Variants in SLC7A7 observed in about 807,000 individuals in gnomAD.
The protein encoded by SLC7A7 is solute carrier family 7 member 7, also known as Y+L amino acid transporter 1.
In SLC7A7, 39 loss-of-function variants were observed where a neutral mutation model predicts 47.9. That is an observed-to-expected ratio of 0.81 (90% CI 0.63 to 1.06). The LOEUF (loss-of-function observed/expected upper bound fraction) is 1.06, where lower values mean the gene tolerates loss of function less well. SLC7A7 is among the 50% of genes least tolerant of loss of function. The probability of loss-of-function intolerance (pLI) is 0.00; values close to 1 mark genes in which losing one functional copy is unlikely to be tolerated. For synonymous variants in SLC7A7, 234 were observed against 242.8 expected (o/e 0.96, Z 0.34); for missense variants, 588 against 632.0 (o/e 0.93, Z 0.75).
intron 2 of SLC7A7, among the ~76,000 whole-genome samples, chr14:22,797,085 A>C (rs1267871532): frequency 6.6e-6 from 1 of 152,158 alleles, no homozygotes; most frequent in Non-Finnish European, 1.5e-5. Flanking sequence ...ACAGAGAGTA[A>C]GTTTTATTAT....
At chr14:22,794,401 A>T (rs750397240) in intron 2 of SLC7A7, among the ~76,000 whole-genome samples, 29 of 152,142 alleles carry the variant, frequency 1.9e-4, no homozygotes, top group Non-Finnish European at 3.4e-4. Context: ...GCAAGCAGGC[A>T]GTTTGTACCA....
chr14:22,809,713 G>A (rs1007217944), intron 2 of SLC7A7, among the ~76,000 whole-genome samples: 1 of 152,056 alleles, frequency 6.6e-6, no homozygotes, highest in Non-Finnish European at 1.5e-5. Flanking sequence ...TAGGATTACA[G>A]GCATGAGCGA....
Position 22,775,818 on chromosome 14 carries a change from A to T in SLC7A7, c.998+15T>A. On this transcript the variant is annotated intron_variant, in intron 6 of 9. Coordinates refer to ENST00000674313, the MANE Select transcript of SLC7A7 (RefSeq NM_003982.4). ...CCTTTGATGATACACCCCTCACAAAAGTTGCCACTCTTACCTAGAAGCAGC... is the reference window on the plus strand; with the variant it reads ...CCTTTGATGATACACCCCTCACAAATGTTGCCACTCTTACCTAGAAGCAGC... 1.3e-6 allele frequency: 2 copies of T among 1,591,766 alleles called. No individual in the cohort carries two copies. Among genetic ancestry groups the T allele is most frequent in the African/African-American group, 1.3e-5 (1 of 74,550 alleles).
intron 2 of SLC7A7, among the ~76,000 whole-genome samples, chr14:22,789,560 G>A (rs566984616): frequency 9.2e-5 from 14 of 151,664 alleles, no homozygotes; most frequent in East Asian, 1.9e-4. Flanking sequence ...CCCAGGAGGC[G>A]GAGGTTGCAG....
intron 2 of SLC7A7, among the ~76,000 whole-genome samples, chr14:22,784,353 C>T (rs761932138): frequency 6.6e-6 from 1 of 152,242 alleles, no homozygotes; most frequent in Non-Finnish European, 1.5e-5. Flanking sequence ...GGTGCAGTGG[C>T]TCACGCCTGT....
intron 2 of SLC7A7, among the ~76,000 whole-genome samples, chr14:22,799,651 C>T (rs1246041877): frequency 1.3e-5 from 2 of 151,808 alleles, no homozygotes; most frequent in Non-Finnish European, 2.9e-5. Context: ...GACAGGGTTT[C>T]GCCATGTTGG....
chr14:22,817,786 C>A, upstream of SLC7A7, among the ~76,000 whole-genome samples: 1 of 152,136 alleles, frequency 6.6e-6, no homozygotes, highest in Non-Finnish European at 1.5e-5. Flanking sequence ...TTAGACCTTG[C>A]TTTTGGACAG....
At position 22,781,252 on chromosome 14, in the gene SLC7A7, C is replaced by A. The variant is rs527786032; in HGVS notation, c.500-1201G>T. Among the ~76,000 whole-genome samples, 35 of 152,290 alleles carry A rather than the reference C, an allele frequency of 2.3e-4. 1 individual carries two copies. The highest frequency in any genetic ancestry group is 2.9e-5 in the Non-Finnish European group (2 of 68,026). On this transcript the variant is annotated intron_variant, in intron 2 of 9. Coordinates refer to ENST00000674313, the MANE Select transcript of SLC7A7 (RefSeq NM_003982.4). Reference sequence around the variant, plus strand: ...CACAGTCAGAAACACCCTCTGAGTTCTCCTGGCAGTGGTGTGGCCTTGGTG... The same window carrying A: ...CACAGTCAGAAACACCCTCTGAGTTATCCTGGCAGTGGTGTGGCCTTGGTG...
chr14:22,783,557 T>A (rs1172903512), intron 2 of SLC7A7, among the ~76,000 whole-genome samples: 1 of 151,862 alleles, frequency 6.6e-6, no homozygotes, highest in Middle Eastern at 3.2e-3. Flanking sequence ...TTCAACACCA[T>A]GCCCAGCTAA....
chr14:22,775,324 C>T (rs1473776859), intron 7 of SLC7A7, 120 bp downstream of exon 7: 1 of 868,446 alleles, frequency 1.2e-6, no homozygotes, highest in African/African-American at 1.6e-5. Flanking sequence ...CATTCTGATC[C>T]ACCAATAGTT....
At chr14:22,775,725 T>C in intron 6 of SLC7A7, 108 bp downstream of exon 6, 1 of 951,988 alleles carries the variant, frequency 1.1e-6, no homozygotes, top group South Asian at 1.3e-5. Flanking sequence ...AAGAAAGAGG[T>C]TGTGGTATCG....
At chr14:22,815,243 A>C in intron 1 of SLC7A7, 77 bp downstream of exon 1, 1 of 404,322 alleles carries the variant, frequency 2.5e-6, no homozygotes, top group South Asian at 1.8e-5. Flanking sequence ...AGAAGAAGCG[A>C]TTAGACACTG....
At chr14:22,801,492 C>T (rs971370346) in intron 2 of SLC7A7, among the ~76,000 whole-genome samples, 2 of 152,046 alleles carry the variant, frequency 1.3e-5, no homozygotes, top group Non-Finnish European at 2.9e-5. Context: ...CATTAAAACC[C>T]TGTATCAGAG....
At chr14:22,810,462 C>CTAAAAAAA (rs2039288131) in intron 2 of SLC7A7, among the ~76,000 whole-genome samples, 1 of 95,672 alleles carries the variant, frequency 1.0e-5, no homozygotes, top group Non-Finnish European at 2.0e-5. Context: ...AACTCCATCT[C>CTAAAAAAA]AAAAAAAAAA....
chr14:22,774,002 G>T lies in SLC7A7; in HGVS notation c.1360C>A (p.Leu454Met). Residue 454 changes from leucine to methionine, a missense_variant, in exon 9 of 10, where the codon CTG (leucine) becomes ATG (methionine). Physicochemically the swap from Leu to Met is conservative, Grantham distance 15. Coordinates refer to ENST00000674313, the MANE Select transcript of SLC7A7 (RefSeq NM_003982.4). ...CTGATGATGAGGAAGTAAAAGGGCAGGCCTGAGAGGGCAATGGCAATGCCG... is the reference window on the plus strand; with the variant it reads ...CTGATGATGAGGAAGTAAAAGGGCATGCCTGAGAGGGCAATGGCAATGCCG... ...LIGIAIALSG[L>M]PFYFLIIRVP... The T allele has an allele frequency of 1.2e-6, 2 of 1,614,224 alleles. No individual in the cohort carries two copies. Among genetic ancestry groups the T allele is most frequent in the South Asian group, 2.2e-5 (2 of 91,088 alleles).
At chr14:22,819,217 C>T (rs1170015634), upstream of SLC7A7, among the ~76,000 whole-genome samples, 2 of 152,102 alleles carry the variant, frequency 1.3e-5, no homozygotes, top group African/African-American at 4.8e-5. Context: ...CACACTTTCT[C>T]TCCCAGAGAC....
intron 5 of SLC7A7, 108 bp downstream of exon 5, chr14:22,776,087 T>A: frequency 6.6e-7 from 1 of 1,525,054 alleles, no homozygotes. Flanking sequence ...GTATTCTAAA[T>A]GAACTCCTTT....
At chr14:22,795,408 T>A (rs2039000142) in intron 2 of SLC7A7, among the ~76,000 whole-genome samples, 1 of 112,316 alleles carries the variant, frequency 8.9e-6, no homozygotes, top group African/African-American at 4.4e-5. Context: ...CTTTCTTTCT[T>A]TCTTTCTTTC....
At chr14:22,795,203 C>T (rs1477090682) in intron 2 of SLC7A7, among the ~76,000 whole-genome samples, 4 of 150,888 alleles carry the variant, frequency 2.7e-5, no homozygotes, top group African/African-American at 9.8e-5. Context: ...ACCTCAGCCA[C>T]CTGAGTAGCT....
Sources: allele counts gnomAD v4.1 joint callset (sites outside exome capture counted in the v4.1 genomes callset), GRCh38; gene constraint gnomAD v4.1.1; transcripts MANE v1.5; gene names NCBI Gene and HGNC (gene_info 2026-07-23, HGNC 2026-07-21).